LRP1B: variants seen among roughly 807,000 people sequenced by gnomAD.
The protein encoded by LRP1B is low-density lipoprotein receptor-related protein 1B.
In LRP1B, 217 loss-of-function variants were observed where a neutral mutation model predicts 556.6. That is an observed-to-expected ratio of 0.39 (90% CI 0.35 to 0.44). LRP1B has a LOEUF of 0.44. LRP1B is among the 20% of genes least tolerant of loss of function. LRP1B has a pLI of 1.00. For missense variants in LRP1B, 5,053 were observed against 5,620.8 expected, an observed-to-expected ratio of 0.90 and a Z score of 3.23; for synonymous variants, 2,047 against 1,865.8, an observed-to-expected ratio of 1.10 and a Z score of -2.50.
rs377366706 is a variant in LRP1B at position 140,634,634 on chromosome 2, G to C, written c.6800-32995C>G. 3.9e-5 allele frequency among the ~76,000 whole-genome samples: 6 copies of C among 152,100 alleles called. No individual in the cohort carries two copies. The East Asian group carries it at 9.7e-4, about 25-fold the overall frequency. Reference sequence around the variant, plus strand: ...GATATTAATACTTATAAATTATGTTGGTGGTATGCATATTTGACATGACAT... The same window carrying C: ...GATATTAATACTTATAAATTATGTTCGTGGTATGCATATTTGACATGACAT... On this transcript the variant is annotated intron_variant, in intron 41 of 90. Transcript: ENST00000389484.
At chr2:141,470,933 A>G (rs926798886) in intron 3 of LRP1B, among the ~76,000 whole-genome samples, 1 of 152,224 alleles carries the variant, frequency 6.6e-6, no homozygotes, top group Non-Finnish European at 1.5e-5. Context: ...TTAAAATAGT[A>G]AACATACCTT....
intron 32 of LRP1B, among the ~76,000 whole-genome samples, chr2:140,793,685 A>C (rs1690200758): frequency 6.6e-6 from 1 of 152,064 alleles, no homozygotes. Context: ...TTAAAAATAA[A>C]AACATGTAAA....
intron 1 of LRP1B, among the ~76,000 whole-genome samples, chr2:141,812,515 G>A (rs1455458524): frequency 6.6e-6 from 1 of 152,022 alleles, no homozygotes; most frequent in Non-Finnish European, 1.5e-5. Context: ...ATTCCATAGT[G>A]TGTGACTCAG....
At chr2:141,204,631 A>G (rs1399382167) in intron 6 of LRP1B, among the ~76,000 whole-genome samples, 8 of 152,228 alleles carry the variant, frequency 5.3e-5, no homozygotes. Context: ...AAATTTATAC[A>G]TAATAATTGC....
At chr2:140,800,274 G>A (rs1052077599) in intron 32 of LRP1B, among the ~76,000 whole-genome samples, 1 of 152,068 alleles carries the variant, frequency 6.6e-6, no homozygotes, top group African/African-American at 2.4e-5. Flanking sequence ...GGGAGGGAAA[G>A]CATTAGGAAA....
chr2:142,033,909 C>T (rs906831226), intron 1 of LRP1B, among the ~76,000 whole-genome samples: 1 of 151,770 alleles, frequency 6.6e-6, no homozygotes, highest in Non-Finnish European at 1.5e-5. Context: ...GCTGCCTTCA[C>T]CTGAGTTCCA....
At chr2:141,457,024 A>G (rs1681661010) in intron 3 of LRP1B, among the ~76,000 whole-genome samples, 1 of 152,220 alleles carries the variant, frequency 6.6e-6, no homozygotes, top group South Asian at 2.1e-4. Context: ...ATAGATTGGA[A>G]TGAGTTAGAT....
chr2:140,600,257 T>C (rs1682601232), intron 42 of LRP1B, among the ~76,000 whole-genome samples: 1 of 152,140 alleles, frequency 6.6e-6, no homozygotes. Flanking sequence ...TGTCCTGAGA[T>C]TCTTCTGGTG....
At chr2:141,061,943 T>C (rs1032076636) in intron 8 of LRP1B, 108 bp downstream of exon 8, 3 of 796,936 alleles carry the variant, frequency 3.8e-6, no homozygotes, top group South Asian at 3.0e-5. Flanking sequence ...GTAATTTTTA[T>C]GACTCATTGC....
intron 2 of LRP1B, among the ~76,000 whole-genome samples, chr2:141,737,337 G>T (rs1217582222): frequency 2.0e-5 from 3 of 152,138 alleles, no homozygotes; most frequent in African/African-American, 7.2e-5. Context: ...GGACAACAGA[G>T]CAAAACTCTG....
In LRP1B at chr2:141,655,971, T is replaced by A. The variant is rs375334970; in HGVS notation, c.205+154308A>T. 2.0e-5 allele frequency among the ~76,000 whole-genome samples: 3 copies of A among 152,194 alleles called. No homozygotes were observed. The South Asian group carries it at 6.2e-4, about 31-fold the overall frequency. On this transcript the variant is annotated intron_variant, in intron 2 of 90. Transcript: ENST00000389484. Reference sequence around the variant, plus strand: ...TCCATGGAACTTACTGAGTGTCAGATACTGTCCTAAGCGATTTATACAGGT... The same window carrying A: ...TCCATGGAACTTACTGAGTGTCAGAAACTGTCCTAAGCGATTTATACAGGT...
chr2:140,337,906 C>T (rs975267671), intron 77 of LRP1B, among the ~76,000 whole-genome samples: 1 of 151,588 alleles, frequency 6.6e-6, no homozygotes, highest in Non-Finnish European at 1.5e-5. Context: ...TAGACTGATG[C>T]CAATTAATAA....
At chr2:140,533,941 G>A in intron 47 of LRP1B, 80 bp downstream of exon 47, 1 of 1,498,900 alleles carries the variant, frequency 6.7e-7, no homozygotes, top group Non-Finnish European at 9.2e-7. Context: ...ATGCCACAGA[G>A]CTCTCAGAAA....
chr2:141,724,510 C>T (rs971446045), intron 2 of LRP1B, among the ~76,000 whole-genome samples: 1 of 151,666 alleles, frequency 6.6e-6, no homozygotes, highest in Non-Finnish European at 1.5e-5. Context: ...CTGTTCTGTG[C>T]CAGGGGAGAC....
chr2:140,951,762 A>G, intron 19 of LRP1B, 98 bp downstream of exon 19: 1 of 894,510 alleles, frequency 1.1e-6, no homozygotes, highest in Non-Finnish European at 1.8e-6. Context: ...TTGGCTCTGC[A>G]AGATTCCCCT....
chr2:141,365,737 A>G (rs1386396707), intron 3 of LRP1B, among the ~76,000 whole-genome samples: 2 of 141,574 alleles, frequency 1.4e-5, no homozygotes, highest in Non-Finnish European at 3.0e-5. Context: ...CAGTGGCACA[A>G]TCTCGGCTAC....
chr2:141,197,588 T>G (rs1036205755), intron 6 of LRP1B, among the ~76,000 whole-genome samples: 2 of 152,064 alleles, frequency 1.3e-5, no homozygotes, highest in Non-Finnish European at 2.9e-5. Flanking sequence ...TCACCAGAAC[T>G]ATTTCAAGCA....
intron 2 of LRP1B, among the ~76,000 whole-genome samples, chr2:141,512,361 C>T (rs1684162694): frequency 6.6e-6 from 1 of 152,074 alleles, no homozygotes; most frequent in Non-Finnish European, 1.5e-5. Flanking sequence ...CTTTTGCAGC[C>T]CTATGTGGCC....
intron 20 of LRP1B, among the ~76,000 whole-genome samples, chr2:140,947,769 G>A (rs1409158356): frequency 6.6e-6 from 1 of 152,150 alleles, no homozygotes; most frequent in Non-Finnish European, 1.5e-5. Context: ...TAGAATATTT[G>A]ATTAGGGAAT....
Sources: gnomAD v4.1 joint callset for allele counts (sites outside exome capture counted in the v4.1 genomes callset) on GRCh38, gnomAD v4.1.1 for gene constraint, MANE v1.5 for transcripts, NCBI Gene and HGNC (gene_info 2026-07-23, HGNC 2026-07-21) for gene names.